Variants in CELF4 observed in about 807,000 individuals in gnomAD.
CELF4 encodes CUGBP Elav-like family member 4.
Under a neutral mutation model 59.9 loss-of-function variants are expected in CELF4, and 18 were observed. The observed-to-expected ratio is 0.30, with a 90% confidence interval of 0.21 to 0.45. The LOEUF is 0.45. CELF4 is among the 20% of genes least tolerant of loss of function. CELF4 has a pLI of 1.00. For missense variants in CELF4, 456 were observed against 689.0 expected (o/e 0.66, Z 3.79); for synonymous variants, 261 against 267.1 (o/e 0.98, Z 0.22).
At chr18:37,372,021 A>G (rs1242403726) in intron 2 of CELF4, among the ~76,000 whole-genome samples, 1 of 152,252 alleles carries the variant, frequency 6.6e-6, no homozygotes, top group Non-Finnish European at 1.5e-5. Flanking sequence ...TTCTACTTTT[A>G]CATTGTTGGT....
chr18:37,548,053 AT>A (rs1299665157), intron 1 of CELF4, among the ~76,000 whole-genome samples: 2 of 150,638 alleles, frequency 1.3e-5, no homozygotes, highest in South Asian at 2.1e-4. Flanking sequence ...GTGTGTACTG[AT>A]TTTTGAATCT....
intron 2 of CELF4, among the ~76,000 whole-genome samples, chr18:37,452,477 T>TG (rs1328934663): frequency 6.6e-6 from 1 of 152,116 alleles, no homozygotes; most frequent in Non-Finnish European, 1.5e-5. Flanking sequence ...TTCCCTGGGC[T>TG]GTCAGACGCC....
chr18:37,355,749 G>T (rs2098552799), intron 2 of CELF4, among the ~76,000 whole-genome samples: 2 of 152,120 alleles, frequency 1.3e-5, no homozygotes, highest in African/African-American at 2.4e-5. Context: ...ATGAAGAGTG[G>T]GTGACCAGGC....
chr18:37,557,823 A>C (rs1437726090), intron 1 of CELF4, among the ~76,000 whole-genome samples: 1 of 152,072 alleles, frequency 6.6e-6, no homozygotes, highest in Admixed American at 6.6e-5. Flanking sequence ...TCCATCTTGC[A>C]GAAGGCCACA....
intron 2 of CELF4, among the ~76,000 whole-genome samples, chr18:37,399,835 T>C (rs1481917030): frequency 2.6e-5 from 4 of 152,312 alleles, no homozygotes; most frequent in Non-Finnish European, 5.9e-5. Context: ...TTATTTTGGC[T>C]CCAATTTCCC....
intron 2 of CELF4, among the ~76,000 whole-genome samples, chr18:37,443,358 C>G (rs1470041715): frequency 6.6e-6 from 1 of 152,054 alleles, no homozygotes; most frequent in Non-Finnish European, 1.5e-5. Context: ...GGAGGGTCTC[C>G]CAACTGCACC....
At chr18:37,553,028 G>A (rs2099983728) in intron 1 of CELF4, among the ~76,000 whole-genome samples, 1 of 152,248 alleles carries the variant, frequency 6.6e-6, no homozygotes, top group African/African-American at 2.4e-5. Flanking sequence ...ACCCAACTCA[G>A]CTGCCGGGTC....
At chr18:37,303,099 G>A (rs1407380423) in intron 3 of CELF4, among the ~76,000 whole-genome samples, 1 of 152,166 alleles carries the variant, frequency 6.6e-6, no homozygotes, top group Non-Finnish European at 1.5e-5. Context: ...AGGCATGAAA[G>A]TACCATTGTT....
chr18:37,324,923 C>T (rs180755229), intron 2 of CELF4, among the ~76,000 whole-genome samples: 3 of 152,198 alleles, frequency 2.0e-5, no homozygotes, highest in Admixed American at 2.0e-4. Flanking sequence ...CAAGATGAAC[C>T]CAGGACTCCT....
chr18:37,390,454 T>C (rs1324587659), intron 2 of CELF4, among the ~76,000 whole-genome samples: 1 of 152,096 alleles, frequency 6.6e-6, no homozygotes, highest in Non-Finnish European at 1.5e-5. Context: ...TTCAGGGCAG[T>C]TACTGGATTT....
chr18:37,372,996 G>A (rs2098920569), intron 2 of CELF4, among the ~76,000 whole-genome samples: 1 of 152,122 alleles, frequency 6.6e-6, no homozygotes, highest in Non-Finnish European at 1.5e-5. Context: ...TTCAACAACC[G>A]ACACCCTTAC....
chr18:37,449,572 G>A (rs568210384), intron 2 of CELF4, among the ~76,000 whole-genome samples: 1 of 152,176 alleles, frequency 6.6e-6, no homozygotes, highest in Admixed American at 6.5e-5. Context: ...GAAGCACACG[G>A]TCTAGTGGAG....
intron 1 of CELF4, among the ~76,000 whole-genome samples, chr18:37,552,928 C>A (rs1426023214): frequency 6.6e-6 from 1 of 152,184 alleles, no homozygotes; most frequent in Non-Finnish European, 1.5e-5. Flanking sequence ...ACGTGGTCTG[C>A]CCAGTAGTCA....
intron 2 of CELF4, among the ~76,000 whole-genome samples, chr18:37,422,705 AG>A (rs1418733820): frequency 3.3e-5 from 5 of 152,222 alleles, no homozygotes; most frequent in South Asian, 2.1e-4. Flanking sequence ...CCCTGGGTTT[AG>A]GGCATGCTGC....
chr18:37,512,682 TTC>T (rs1408599028), intron 1 of CELF4, among the ~76,000 whole-genome samples: 1 of 151,686 alleles, frequency 6.6e-6, no homozygotes, highest in Non-Finnish European at 1.5e-5. Flanking sequence ...CTCTTCTTTC[TTC>T]TGTTCTTTAT....
At chr18:37,330,685 C>A (rs1218606750) in intron 2 of CELF4, among the ~76,000 whole-genome samples, 2 of 152,146 alleles carry the variant, frequency 1.3e-5, no homozygotes, top group Non-Finnish European at 2.9e-5. Context: ...AGGTACTGAC[C>A]AAATGATGAC....
intron 2 of CELF4, among the ~76,000 whole-genome samples, chr18:37,470,885 T>TGAGAGAGAGAGA (rs1569569558): frequency 6.3e-5 from 5 of 79,664 alleles, no homozygotes; most frequent in African/African-American, 2.4e-4. Flanking sequence ...TGTGTGTGTG[T>TGAGAGAGAGAGA]GTGACAGAGA....
At chr18:37,507,640 C>T (rs780930657) in intron 1 of CELF4, among the ~76,000 whole-genome samples, 40 of 152,198 alleles carry the variant, frequency 2.6e-4, no homozygotes, top group Non-Finnish European at 5.1e-4. Flanking sequence ...CACTTTAAAT[C>T]GGGCTCCTCC....
At chr18:37,560,734 A>G (rs1175806334) in intron 1 of CELF4, among the ~76,000 whole-genome samples, 2 of 152,228 alleles carry the variant, frequency 1.3e-5, no homozygotes, top group Non-Finnish European at 2.9e-5. Context: ...ACTGTCTCTT[A>G]GACTCATTTG....
Sources: allele counts gnomAD v4.1 joint callset (sites outside exome capture counted in the v4.1 genomes callset), GRCh38; gene constraint gnomAD v4.1.1; transcripts MANE v1.5; gene names NCBI Gene and HGNC (gene_info 2026-07-23, HGNC 2026-07-21).